The following DNMT3A variants were observed in gnomAD, a reference collection of about 807,000 sequenced individuals.
The protein encoded by DNMT3A is DNA methyltransferase 3 alpha.
DNMT3A carries 267 observed loss-of-function variants against 117.6 expected under a neutral mutation model. The ratio of observed to expected loss-of-function variants is 2.27; its 90% CI spans 2.05 to 2.51. The LOEUF (loss-of-function observed/expected upper bound fraction) is 2.51. DNMT3A is among the 30% of genes most tolerant of loss of function. The pLI, the probability that DNMT3A is intolerant of heterozygous loss-of-function variation, is 0.00. For synonymous variants in DNMT3A, 432 were observed against 474.8 expected, an observed-to-expected ratio of 0.91 and a Z score of 1.17; for missense variants, 1,029 against 1,260.2, an observed-to-expected ratio of 0.82 and a Z score of 2.78.
chr2:25,242,359 G>A (rs1674180634), intron 16 of DNMT3A, among the ~76,000 whole-genome samples: 1 of 152,018 alleles, frequency 6.6e-6, no homozygotes, highest in South Asian at 2.1e-4. Context: ...AATGCTAGCC[G>A]AACTGAGGCA....
chr2:25,254,050 C>T lies in DNMT3A; in HGVS notation c.640-5798G>A, dbSNP rs1675902513. ...TCATGCCACTGCACTCCAGCCTGGG[C>T]AACAGAGCGAGACTCCGTCTCAAAA... On this transcript the variant is annotated intron_variant, in intron 6 of 22. Coordinates refer to ENST00000321117, the MANE Select transcript of DNMT3A (RefSeq NM_022552.5). The surrounding 1 kb of genome is among the most constrained non-coding windows in gnomAD (Gnocchi z 4.7). Among the ~76,000 whole-genome samples the T allele has an allele frequency of 7.0e-6, 1 of 142,302 alleles. No individual in the cohort carries two copies. Among genetic ancestry groups the T allele is most frequent in the Non-Finnish European group, 1.5e-5 (1 of 66,206 alleles). 93.4% of individuals were successfully genotyped at this position (142,302 alleles called of 152,430 possible).
intron 3 of DNMT3A, among the ~76,000 whole-genome samples, chr2:25,292,392 T>A (rs1398170365): frequency 6.6e-6 from 1 of 152,092 alleles, no homozygotes; most frequent in African/African-American, 2.4e-5. Context: ...CCATTACGTA[T>A]GAGAGATCCC....
At chr2:25,277,541 G>A (rs920869307) in intron 4 of DNMT3A, among the ~76,000 whole-genome samples, 1 of 152,132 alleles carries the variant, frequency 6.6e-6, no homozygotes, top group Non-Finnish European at 1.5e-5. Context: ...GGGAGTGGAG[G>A]ACCCCCGGGC....
chr2:25,238,819 G>A (rs1193073185), intron 20 of DNMT3A, among the ~76,000 whole-genome samples: 1 of 152,194 alleles, frequency 6.6e-6, no homozygotes, highest in African/African-American at 2.4e-5. Flanking sequence ...AAGAACCAGA[G>A]GGCTCGGGAC....
rs1673285954 is a variant in DNMT3A, at chr2:25,235,758, G to T, written c.2546C>A (p.Pro849His). ...SIKQGKDQHF[P>H]VFMNEKEDIL... ...GTCCTCTTTCTCATTCATGAAGACA[G>T]GAAAATGCTGGTCTTTGCCCTGCTT... Residue 849 changes from proline (P) to histidine (H), a missense_variant, in exon 22 of 23, where the codon CCT (proline) becomes CAT (histidine). Pro to His is a moderately conservative substitution (Grantham distance 77). Coordinates refer to ENST00000321117, the MANE Select transcript of DNMT3A (RefSeq NM_022552.5). 6.2e-7 allele frequency: 1 copy of T among 1,614,214 alleles called. No homozygotes were observed. The highest frequency in any genetic ancestry group is 8.5e-7 in the Non-Finnish European group (1 of 1,180,026).
Position 25,337,507 on chromosome 2 carries a change from G to C in DNMT3A, c.-178+4319C>G, listed in dbSNP as rs1233772690. Among the ~76,000 whole-genome samples, 1 of 152,178 alleles carries C rather than the reference G, an allele frequency of 6.6e-6. No homozygotes were observed. Among genetic ancestry groups the C allele is most frequent in the Non-Finnish European group, 1.5e-5 (1 of 68,038 alleles). On this transcript the variant is annotated intron_variant, in intron 1 of 22. Transcript: ENST00000321117. This position sits in a 1 kb window ranked among gnomAD's most constrained non-coding sequence, Gnocchi z 5.0. ...TGAGGAAACTGAGGCCCAGGGAATCGAGTTGTTGCCCAAGTTCCTGCCGCT... is the reference window on the plus strand; with the variant it reads ...TGAGGAAACTGAGGCCCAGGGAATCCAGTTGTTGCCCAAGTTCCTGCCGCT...
rs1229957504 is a variant in DNMT3A, at chr2:25,237,113, A to G, written c.2409-108T>C. On this transcript the variant is annotated intron_variant, in intron 20 of 22. Coordinates refer to ENST00000321117, the MANE Select transcript of DNMT3A (RefSeq NM_022552.5). This position sits in a 1 kb window ranked among gnomAD's most constrained non-coding sequence, Gnocchi z 5.4. ...CCCAGCAGCCACTAGTTCACAGGGTAAGAGCCCCTTCCCCAAATCACGCAC... is the reference window on the plus strand; with the variant it reads ...CCCAGCAGCCACTAGTTCACAGGGTGAGAGCCCCTTCCCCAAATCACGCAC... 9.2e-7 allele frequency: 1 copy of G among 1,091,684 alleles called. No individual in the cohort carries two copies. Among genetic ancestry groups the G allele is most frequent in the Admixed American group, 2.2e-5 (1 of 45,354 alleles). 67.6% of individuals were successfully genotyped at this position (1,091,684 alleles called of 1,614,324 possible). A position where few individuals can be genotyped will look rare whatever the true frequency, so the allele number is the denominator to read the frequency against.
intron 20 of DNMT3A, among the ~76,000 whole-genome samples, chr2:25,238,699 T>C (rs926980559): frequency 6.6e-6 from 1 of 152,204 alleles, no homozygotes; most frequent in Non-Finnish European, 1.5e-5. Flanking sequence ...AGCAGAACCC[T>C]GAACTTGCAT....
At chr2:25,328,521 A>G in intron 1 of DNMT3A, 2 of 420,912 alleles carry the variant, frequency 4.8e-6, no homozygotes, top group South Asian at 3.6e-5. Flanking sequence ...ATGCGTATAT[A>G]GATGTGTCTG....
At position 25,246,548 on chromosome 2, in the gene DNMT3A, A is replaced by G; in HGVS notation, c.1279+72T>C. 3.2e-6 allele frequency: 5 copies of G among 1,551,508 alleles called. No homozygotes were observed. In the South Asian group the frequency reaches 6.2e-5, roughly 19 times the overall value. On this transcript the variant is annotated intron_variant, in intron 10 of 22. Coordinates refer to ENST00000321117, the MANE Select transcript of DNMT3A (RefSeq NM_022552.5). ...GAGGCCTTGGCAGCCCTCCCTAAGC[A>G]TGGCTTTCCCAGCCCTGGTGTGGAT...
intron 1 of DNMT3A, chr2:25,314,724 G>T (rs893682421): frequency 3.0e-6 from 3 of 985,218 alleles, no homozygotes; most frequent in Admixed American, 6.1e-5. Context: ...GTTGGCTCTG[G>T]CCTAGGAGGG....
chr2:25,328,627 C>T (rs1268966359), intron 1 of DNMT3A: 1 of 511,142 alleles, frequency 2.0e-6, no homozygotes, highest in South Asian at 1.5e-5. Flanking sequence ...TTCCGGGTGA[C>T]CCTGGAGGCA....
rs1372476995 is a variant in DNMT3A, at chr2:25,298,940, C to A, written c.177+1199G>T. On this transcript the variant is annotated intron_variant, in intron 3 of 22. Coordinates refer to ENST00000321117, the MANE Select transcript of DNMT3A (RefSeq NM_022552.5). This position sits in a 1 kb window ranked among gnomAD's most constrained non-coding sequence, Gnocchi z 4.3. ...CCCCCACCTCCAGGAACTCACCACC[C>A]CCCCCGCCTCTACTGTCCCATTTCA... is the stretch of plus-strand genomic sequence containing the variant. Among the ~76,000 whole-genome samples, 9 of 150,904 alleles carry A rather than the reference C, an allele frequency of 6.0e-5. No homozygotes were observed. Among genetic ancestry groups the A allele is most frequent in the Admixed American group, 4.6e-4 (7 of 15,162 alleles).
At chr2:25,328,784 G>A (rs1479380232) in intron 1 of DNMT3A, 4 of 458,544 alleles carry the variant, frequency 8.7e-6, no homozygotes, top group African/African-American at 8.0e-5. Context: ...GCTGTTTGCA[G>A]GAGCTCCGAG....
rs1046813709 is a variant in DNMT3A at position 25,233,169 on chromosome 2, A to T, written c.*1110T>A. On this transcript the variant is annotated 3_prime_UTR_variant, in exon 23 of 23. Coordinates refer to ENST00000321117, the MANE Select transcript of DNMT3A (RefSeq NM_022552.5). ...TAGAAAACAATCAAAGGGTTATTGCATGAGTCTGGATGAATCCCACTCTCA... is the reference window on the plus strand; with the variant it reads ...TAGAAAACAATCAAAGGGTTATTGCTTGAGTCTGGATGAATCCCACTCTCA... 8.6e-6 allele frequency: 2 copies of T among 233,664 alleles called. No individual in the cohort carries two copies. The highest frequency in any genetic ancestry group is 4.4e-5 in the African/African-American group (2 of 45,332). 14.5% of individuals were successfully genotyped at this position (233,664 alleles called of 1,614,324 possible).
intron 2 of DNMT3A, among the ~76,000 whole-genome samples, chr2:25,303,319 T>C (rs940101398): frequency 2.6e-5 from 4 of 152,246 alleles, no homozygotes; most frequent in African/African-American, 9.6e-5. Context: ...CCACTGGGCA[T>C]GCGGAGAAAG....
At chr2:25,279,450 A>G (rs2031719157) in intron 4 of DNMT3A, among the ~76,000 whole-genome samples, 1 of 152,090 alleles carries the variant, frequency 6.6e-6, no homozygotes. Flanking sequence ...CATGTGTTCT[A>G]TGTCAGCTGA....
chr2:25,301,672 C>T, intron 2 of DNMT3A, among the ~76,000 whole-genome samples: 1 of 152,124 alleles, frequency 6.6e-6, no homozygotes, highest in East Asian at 1.9e-4. Flanking sequence ...ATGACTAATC[C>T]CCAGCAGAAA....
intron 1 of DNMT3A, among the ~76,000 whole-genome samples, chr2:25,329,307 G>A (rs1053195857): frequency 3.9e-5 from 6 of 152,252 alleles, no homozygotes; most frequent in East Asian, 1.9e-4. Context: ...GTTGTAAAGC[G>A]GGGTGAGAAA....
Sources: allele counts gnomAD v4.1 joint callset (sites outside exome capture counted in the v4.1 genomes callset), GRCh38; gene constraint gnomAD v4.1.1; non-coding constraint Gnocchi (gnomAD v3.1); transcripts MANE v1.5; gene names NCBI Gene and HGNC (gene_info 2026-07-23, HGNC 2026-07-21).